SMARCA2: variants seen among roughly 807,000 people sequenced by gnomAD.
The protein encoded by SMARCA2 is SWI/SNF related BAF chromatin remodeling complex subunit ATPase 2, also known as SWI/SNF-related matrix-associated actin-dependent regulator of chromatin subfamily A member 2.
In SMARCA2, 61 loss-of-function variants were observed where a neutral mutation model predicts 199.8. The observed-to-expected ratio is 0.31, with a 90% CI of 0.25 to 0.38. The LOEUF is 0.38. Among genes scored for constraint, SMARCA2 ranks in the 10% least tolerant of loss-of-function variants. SMARCA2 has a pLI of 1.00. For synonymous variants in SMARCA2, 935 were observed against 732.0 expected (o/e 1.28, Z -4.48); for missense variants, 1,344 against 2,012.2 (o/e 0.67, Z 6.35).
At chr9:2,144,766 G>T (rs1391209813) in intron 27 of SMARCA2, among the ~76,000 whole-genome samples, 1 of 152,110 alleles carries the variant, frequency 6.6e-6, no homozygotes, top group Non-Finnish European at 1.5e-5. Context: ...TAGCAGCGAG[G>T]CCTCCAGAGG....
rs769137081 is a variant in SMARCA2, at chr9:2,192,742, AG to A, written c.*4del. The A allele has an allele frequency of 1.2e-6, 2 of 1,605,180 alleles. No homozygotes were observed. The highest frequency in any genetic ancestry group is 1.7e-6 in the Non-Finnish European group (2 of 1,171,902). ...GAAGTGGGACGGATGATGAGTGATCAGTATGGACCTTTTTCCTTGGTAGAAC... is the reference window on the plus strand; with the variant it reads ...GAAGTGGGACGGATGATGAGTGATCATATGGACCTTTTTCCTTGGTAGAAC... On this transcript the variant is annotated 3_prime_UTR_variant, in exon 34 of 34. Coordinates refer to ENST00000349721, the MANE Select transcript of SMARCA2 (RefSeq NM_003070.5).
chr9:2,076,174 A>G (rs3763627), intron 12 of SMARCA2, 55 bp from the exon 13 acceptor site: 5 of 968,898 alleles, frequency 5.2e-6, no homozygotes, highest in East Asian at 4.8e-5. Context: ...AATGTCAATC[A>G]TAGAGATTTC....
At chr9:2,125,862 T>A (rs1823667864) in intron 27 of SMARCA2, among the ~76,000 whole-genome samples, 2 of 152,250 alleles carry the variant, frequency 1.3e-5, no homozygotes, top group South Asian at 4.1e-4. Context: ...CCTTGTTTAT[T>A]GGGCAAGAAT....
At chr9:2,109,971 C>A (rs1822926203) in intron 23 of SMARCA2, among the ~76,000 whole-genome samples, 1 of 152,028 alleles carries the variant, frequency 6.6e-6, no homozygotes, top group African/African-American at 2.4e-5. Context: ...AGAAATAAAT[C>A]CAAAAAATGT....
At position 2,029,069 on chromosome 9, in the gene SMARCA2, C is replaced by T. The variant is rs2130178649; in HGVS notation, c.47C>T (p.Ser16Leu). Reference protein sequence around the residue: ...DPGAMPHPGPSPGPGPSPGPI... With the variant: ...DPGAMPHPGPLPGPGPSPGPI... Reference sequence around the variant, plus strand: ...GGTGCGATGCCCCACCCAGGGCCTTCGCCGGGGCCTGGGCCTTCCCCTGGG... The same window carrying T: ...GGTGCGATGCCCCACCCAGGGCCTTTGCCGGGGCCTGGGCCTTCCCCTGGG... Residue 16 changes from serine to leucine, a missense_variant, in exon 2 of 34, where the codon TCG (serine) becomes TTG (leucine). This residue lies in a region of SMARCA2 where 275 missense variants were observed against 247.5 expected (regional missense o/e 1.11). Transcript: ENST00000349721. 3.2e-6 allele frequency: 5 copies of T among 1,562,754 alleles called. No homozygotes were observed. Among genetic ancestry groups the T allele is most frequent in the Admixed American group, 1.9e-5 (1 of 52,988 alleles).
intron 27 of SMARCA2, among the ~76,000 whole-genome samples, chr9:2,148,048 T>C (rs1824858009): frequency 1.3e-5 from 2 of 151,614 alleles, no homozygotes; most frequent in Non-Finnish European, 1.5e-5. Context: ...TACACTTGCC[T>C]CCCAGTTGTA....
intron 27 of SMARCA2, among the ~76,000 whole-genome samples, chr9:2,143,563 A>C (rs1026435323): frequency 2.6e-5 from 4 of 152,344 alleles, no homozygotes; most frequent in African/African-American, 7.2e-5. Context: ...CCCGTCTGAC[A>C]GCAGGGAGAC....
intron 28 of SMARCA2, among the ~76,000 whole-genome samples, chr9:2,165,316 G>A (rs1825881969): frequency 6.6e-6 from 1 of 152,166 alleles, no homozygotes; most frequent in South Asian, 2.1e-4. Flanking sequence ...GCATGATTCT[G>A]GGGCAGATGT....
At chr9:2,183,500 T>C (rs948201401) in intron 31 of SMARCA2, among the ~76,000 whole-genome samples, 33 of 152,178 alleles carry the variant, frequency 2.2e-4, no homozygotes, top group Admixed American at 6.5e-4. Flanking sequence ...GCCTGATGCC[T>C]TCAGACCCAT....
rs1586692551 is a variant in SMARCA2 at position 2,088,540 on chromosome 9, G to A, written c.2810G>A (p.Arg937His). 6.3e-7 allele frequency: 1 copy of A among 1,591,370 alleles called. No homozygotes were observed. Among genetic ancestry groups the A allele is most frequent in the East Asian group, 2.3e-5 (1 of 44,440 alleles). Reference protein sequence around the residue: ...NEEETILIIRRLHKVLRPFLL... With the variant: ...NEEETILIIRHLHKVLRPFLL... ...GAAGAAACTATATTGATCATCAGGC[G>A]TCTACATAAGGTGTTAAGACCATTT... The change falls in exon 19 of 34, where the codon CGT becomes CAT. Residue 937 changes from arginine to histidine, a missense_variant. Transcript: ENST00000349721.
intron 22 of SMARCA2, 107 bp from the exon 23 acceptor site, chr9:2,103,896 A>C: frequency 1.2e-6 from 1 of 800,852 alleles, no homozygotes; most frequent in Non-Finnish European, 2.0e-6. Flanking sequence ...TTACTTATTG[A>C]ATGTTTACAG....
intron 15 of SMARCA2, among the ~76,000 whole-genome samples, chr9:2,082,203 C>T (rs1051356953): frequency 3.9e-5 from 6 of 151,932 alleles, no homozygotes; most frequent in African/African-American, 1.2e-4. Context: ...AGCACGGGAC[C>T]GAGTGATTTT....
At chr9:2,139,734 T>C (rs1824376848) in intron 27 of SMARCA2, among the ~76,000 whole-genome samples, 1 of 152,236 alleles carries the variant, frequency 6.6e-6, no homozygotes, top group African/African-American at 2.4e-5. Flanking sequence ...TCTTAGGTTC[T>C]ACGATAGTAA....
At chr9:2,051,760 A>C (rs186242013) in intron 5 of SMARCA2, among the ~76,000 whole-genome samples, 1 of 152,240 alleles carries the variant, frequency 6.6e-6, no homozygotes, top group Non-Finnish European at 1.5e-5. Context: ...TCACGCCACT[A>C]TAATACTTAA....
intron 19 of SMARCA2, among the ~76,000 whole-genome samples, chr9:2,092,497 C>T (rs1822102094): frequency 6.6e-6 from 1 of 152,118 alleles, no homozygotes; most frequent in African/African-American, 2.4e-5. Flanking sequence ...TGATATATCG[C>T]ATGTAGTTTA....
rs113865107 is a variant in SMARCA2 at position 2,115,095 on chromosome 9, C to G, written c.3457-727C>G. 7.0e-4 allele frequency among the ~76,000 whole-genome samples: 107 copies of G among 151,862 alleles called. No individual in the cohort carries two copies. Among genetic ancestry groups the G allele is most frequent in the African/African-American group, 2.5e-3 (103 of 41,374 alleles). On this transcript the variant is annotated intron_variant, in intron 24 of 33. Coordinates refer to ENST00000349721, the MANE Select transcript of SMARCA2 (RefSeq NM_003070.5). This position sits in a 1 kb window ranked among gnomAD's most constrained non-coding sequence, Gnocchi z 6.0. ...AGTAAATTATTCTGAGAAGGTACAT[C>G]CTTATTTCTAAATCTTTGTGCATAT... is the stretch of plus-strand genomic sequence containing the variant.
At chr9:2,103,643 CGTGT>C (rs540863457) in intron 22 of SMARCA2, among the ~76,000 whole-genome samples, 2,750 of 143,534 alleles carry the variant, frequency 0.019, 79 homozygotes, top group African/African-American at 0.069. Context: ...TGTGTGTGTA[CGTGT>C]GTGTGTGTGT....
At position 2,015,364 on chromosome 9, in the gene SMARCA2, G is replaced by C. The variant is rs555452359; in HGVS notation, c.-77G>C. 1 of 152,450 alleles carries C rather than the reference G, an allele frequency of 6.6e-6. No homozygotes were observed. Among genetic ancestry groups the C allele is most frequent in the South Asian group, 2.1e-4 (1 of 4,828 alleles). 9.4% of individuals were successfully genotyped at this position (152,450 alleles called of 1,614,324 possible). A position where few individuals can be genotyped will look rare whatever the true frequency, so the allele number is the denominator to read the frequency against. ...CTGTTTCTGTACTCTGGGTGACTCA[G>C]AGAGGGAAGAGATTCAGCCAGCACA... On this transcript the variant is annotated 5_prime_UTR_variant, in exon 1 of 34. Coordinates refer to ENST00000349721, the MANE Select transcript of SMARCA2 (RefSeq NM_003070.5).
chr9:2,179,674 C>G (rs996587447), intron 29 of SMARCA2, among the ~76,000 whole-genome samples: 7 of 152,130 alleles, frequency 4.6e-5, no homozygotes, highest in African/African-American at 1.7e-4. Context: ...TCACCAGTAG[C>G]ACAGTTAAAA....
Sources: gnomAD v4.1 joint callset for allele counts (sites outside exome capture counted in the v4.1 genomes callset) on GRCh38, gnomAD v4.1.1 for gene constraint, gnomAD v4.1.1 regional missense constraint, Gnocchi (gnomAD v3.1) non-coding constraint, MANE v1.5 for transcripts, NCBI Gene and HGNC (gene_info 2026-07-23, HGNC 2026-07-21) for gene names.